The following PIWIL1 variants were observed in gnomAD, a reference collection of about 807,000 sequenced individuals.
PIWIL1 encodes piwi like RNA-mediated gene silencing 1, also known as piwi-like protein 1.
In PIWIL1, 73 loss-of-function variants were observed where a neutral mutation model predicts 114.4. The ratio of observed to expected loss-of-function variants is 0.64; its 90% CI spans 0.53 to 0.78. PIWIL1 has a LOEUF of 0.78. PIWIL1 is among the 30% of genes least tolerant of loss of function. The probability of loss-of-function intolerance (pLI) is 0.00; values close to 1 mark genes in which losing one functional copy is unlikely to be tolerated. For missense variants in PIWIL1, 723 were observed against 1,063.1 expected (o/e 0.68, Z 4.45); for synonymous variants, 375 against 369.0 (o/e 1.02, Z -0.19).
At chr12:130,355,324 G>C (rs1462017198) in intron 11 of PIWIL1, among the ~76,000 whole-genome samples, 1 of 152,162 alleles carries the variant, frequency 6.6e-6, no homozygotes, top group Non-Finnish European at 1.5e-5. Flanking sequence ...TCCTTTGACG[G>C]GGAGAAAGTT....
the PIWIL1 span, chr12:130,399,725 G>A: frequency 1.2e-6 from 2 of 1,614,028 alleles, no homozygotes; most frequent in Non-Finnish European, 8.5e-7. Flanking sequence ...GTAGTGGGAT[G>A]GAGCATCAGA....
At chr12:130,377,037 C>T (rs530531667), downstream of PIWIL1, among the ~76,000 whole-genome samples, 68 of 152,278 alleles carry the variant, frequency 4.5e-4, no homozygotes, top group African/African-American at 1.5e-3. Context: ...CTGTGACCAC[C>T]CCCTGTGAGC....
In PIWIL1 at chr12:130,343,039, A is replaced by C. The variant is rs1565939809; in HGVS notation, c.128A>C (p.Glu43Ala). 6.2e-7 allele frequency: 1 copy of C among 1,614,116 alleles called. No individual in the cohort carries two copies. Among genetic ancestry groups the C allele is most frequent in the Non-Finnish European group, 8.5e-7 (1 of 1,179,974 alleles). Residue 43 changes from glutamate to alanine, a missense_variant, in exon 3 of 21, where the codon GAG (glutamate) becomes GCG (alanine). By Grantham distance (107) the Glu-to-Ala change is moderately radical. This residue lies in a region of PIWIL1 where 91 missense variants were observed against 76.2 expected (regional missense o/e 1.19). Transcript: ENST00000245255. ...CCTAGGCCTCAGCCGCCACCAGCAG[A>C]GGGGGAATTATTTGGCCGTGGACGG... ...IQPRPQPPPA[E>A]GELFGRGRQR...
At chr12:130,373,723 G>A (rs1461904827), downstream of PIWIL1, among the ~76,000 whole-genome samples, 4 of 152,162 alleles carry the variant, frequency 2.6e-5, no homozygotes, top group Non-Finnish European at 5.9e-5. Flanking sequence ...GCAAATGCTA[G>A]TTGAAAGGGG....
intron 6 of PIWIL1, 43 bp downstream of exon 6, chr12:130,347,105 T>A: frequency 7.3e-7 from 1 of 1,377,546 alleles, no homozygotes; most frequent in Non-Finnish European, 1.0e-6. Context: ...AACAGCAAAG[T>A]TGAAATAATT....
Position 130,355,666 on chromosome 12 carries a change from CAGTA to C in PIWIL1, c.1404+2_1404+5del, listed in dbSNP as rs2073343699. Reference sequence around the variant, plus strand: ...GAAAAGATTCACCAAGGTGGAAAAACAGTAAGGCAGTTTTTCGTTGGTGTTGTTG... The same window carrying C: ...GAAAAGATTCACCAAGGTGGAAAAACAGGCAGTTTTTCGTTGGTGTTGTTG... On this transcript the variant is annotated splice_donor_variant and splice_donor_region_variant and coding_sequence_variant and intron_variant, in exon 12 of 21. Coordinates refer to ENST00000245255, the MANE Select transcript of PIWIL1 (RefSeq NM_004764.5). LOFTEE classifies it high-confidence loss of function. 1 of 1,599,154 alleles carries C rather than the reference CAGTA, an allele frequency of 6.3e-7. No homozygotes were observed. The highest frequency in any genetic ancestry group is 8.6e-7 in the Non-Finnish European group (1 of 1,166,394).
intron 9 of PIWIL1, chr12:130,351,836 C>T (rs1440403481): frequency 6.6e-6 from 1 of 152,092 alleles, no homozygotes; most frequent in African/African-American, 2.4e-5. Context: ...GTATTTATTT[C>T]CTCTACCTTC....
At chr12:130,379,234 ATGCCT>A in the PIWIL1 span, among the ~76,000 whole-genome samples, 1 of 152,384 alleles carries the variant, frequency 6.6e-6, no homozygotes, top group East Asian at 1.9e-4. Flanking sequence ...TCTATAAATA[ATGCCT>A]TTTTTCTTCA....
chr12:130,399,570 G>A, the PIWIL1 span: 12 of 1,294,550 alleles, frequency 9.3e-6, 1 homozygote, highest in East Asian at 4.7e-5. Context: ...AATTCAGGGT[G>A]TATTTACGCT....
At chr12:130,409,446 G>C in the PIWIL1 span, among the ~76,000 whole-genome samples, 2 of 145,884 alleles carry the variant, frequency 1.4e-5, no homozygotes, top group African/African-American at 5.0e-5. Context: ...GGGTTCATGC[G>C]ATTCTCCTGC....
chr12:130,399,263 A>G, the PIWIL1 span: 4 of 605,082 alleles, frequency 6.6e-6, no homozygotes, highest in South Asian at 6.5e-5. Flanking sequence ...GATACTAAAC[A>G]TGAATGTAGT....
rs1336701406 is a variant in PIWIL1 at position 130,345,885 on chromosome 12, T to C, written c.316+7T>C. On this transcript the variant is annotated splice_region_variant and intron_variant, in intron 4 of 20. Coordinates refer to ENST00000245255, the MANE Select transcript of PIWIL1 (RefSeq NM_004764.5). ...GTTAAAGAATCAAAAACAGGTAGGT[T>C]AATTAAGAATAAGTTTTGTGAGATT... 4 of 1,612,680 alleles carry C rather than the reference T, an allele frequency of 2.5e-6. No individual in the cohort carries two copies. Among genetic ancestry groups the C allele is most frequent in the Non-Finnish European group, 3.4e-6 (4 of 1,179,452 alleles).
At chr12:130,402,163 G>A in the PIWIL1 span, among the ~76,000 whole-genome samples, 1 of 152,308 alleles carries the variant, frequency 6.6e-6, no homozygotes, top group East Asian at 1.9e-4. Context: ...TGCGTCCAAA[G>A]TGACGACGGG....
At chr12:130,412,680 C>G in the PIWIL1 span, 1 of 1,613,924 alleles carries the variant, frequency 6.2e-7, no homozygotes, top group Non-Finnish European at 8.5e-7. Flanking sequence ...GATCCATCAT[C>G]TCCTCATCAT....
At chr12:130,340,320 C>T (rs2072871857) in intron 1 of PIWIL1, among the ~76,000 whole-genome samples, 1 of 152,022 alleles carries the variant, frequency 6.6e-6, no homozygotes, top group Non-Finnish European at 1.5e-5. Context: ...GATCAGCAGT[C>T]CCCAGTCTTT....
intron 3 of PIWIL1, among the ~76,000 whole-genome samples, chr12:130,344,387 G>GC (rs2073011001): frequency 6.6e-6 from 1 of 152,010 alleles, no homozygotes; most frequent in African/African-American, 2.4e-5. Flanking sequence ...TTTAGGTAGA[G>GC]CCCCCTCCAA....
rs1034863833 is a variant in PIWIL1 at position 130,349,855 on chromosome 12, G to A, written c.933-1G>A. The A allele has an allele frequency of 1.3e-6, 2 of 1,542,118 alleles. No homozygotes were observed. The highest frequency in any genetic ancestry group is 1.8e-6 in the Non-Finnish European group (2 of 1,122,478). ...GCAGTCAAATCTCAACTGATCCCTA[G>A]GTATAACAATAAGACATACAGAGTG... is the stretch of plus-strand genomic sequence containing the variant. On this transcript the variant is annotated splice_acceptor_variant, in intron 8 of 20. Coordinates refer to ENST00000245255, the MANE Select transcript of PIWIL1 (RefSeq NM_004764.5). LOFTEE classifies it high-confidence loss of function.
At chr12:130,392,196 C>T in the PIWIL1 span, among the ~76,000 whole-genome samples, 164 of 12,796 alleles carry the variant, frequency 0.013, 6 homozygotes, top group South Asian at 0.06. Flanking sequence ...ACCGTCATCA[C>T]GTGGATGCAT....
intron 16 of PIWIL1, 90 bp from the exon 17 acceptor site, chr12:130,362,676 G>T (rs574979363): frequency 2.6e-5 from 29 of 1,100,492 alleles, no homozygotes; most frequent in Non-Finnish European, 3.6e-5. Context: ...ATGACAGATT[G>T]CTAAGAGTGA....
Sources: allele counts gnomAD v4.1 joint callset (sites outside exome capture counted in the v4.1 genomes callset), GRCh38; gene constraint gnomAD v4.1.1; regional missense constraint gnomAD v4.1.1; transcripts MANE v1.5; gene names NCBI Gene and HGNC (gene_info 2026-07-23, HGNC 2026-07-21).